The following LRP1B variants were observed in gnomAD, a reference collection of about 807,000 sequenced individuals.
LRP1B encodes LDL receptor related protein 1B, also known as low-density lipoprotein receptor-related protein 1B.
LRP1B carries 217 observed loss-of-function variants against 556.6 expected under a neutral mutation model. That is an observed-to-expected ratio of 0.39 (90% CI 0.35 to 0.44). The LOEUF (loss-of-function observed/expected upper bound fraction) is 0.44, where lower values mean the gene tolerates loss of function less well. LRP1B is among the 20% of genes least tolerant of loss of function. The pLI is 1.00. For missense variants in LRP1B, 5,053 were observed against 5,620.8 expected (o/e 0.90, Z 3.23); for synonymous variants, 2,047 against 1,865.8 (o/e 1.10, Z -2.50).
intron 35 of LRP1B, among the ~76,000 whole-genome samples, chr2:140,728,364 C>A (rs1687664648): frequency 6.6e-6 from 1 of 152,172 alleles, no homozygotes; most frequent in African/African-American, 2.4e-5. Context: ...TGTGCTGTCA[C>A]CTTCTAGTCT....
intron 3 of LRP1B, among the ~76,000 whole-genome samples, chr2:141,434,789 G>C (rs998808435): frequency 1.3e-4 from 20 of 152,098 alleles, no homozygotes; most frequent in Non-Finnish European, 4.4e-5. Flanking sequence ...TGTTTGTTTA[G>C]TGACTCAGCT....
chr2:141,984,371 T>G (rs1702126082), intron 1 of LRP1B, among the ~76,000 whole-genome samples: 1 of 48,802 alleles, frequency 2.0e-5, no homozygotes. Flanking sequence ...GGAAAATTGA[T>G]GAAAGGTATG....
intron 14 of LRP1B, among the ~76,000 whole-genome samples, chr2:141,009,898 G>T (rs144471200): frequency 7.9e-4 from 120 of 152,014 alleles, no homozygotes; most frequent in African/African-American, 2.4e-3. Flanking sequence ...AATACTTTCT[G>T]GTCAAACAGA....
At chr2:140,649,847 T>A (rs950391092) in intron 41 of LRP1B, among the ~76,000 whole-genome samples, 1 of 152,212 alleles carries the variant, frequency 6.6e-6, no homozygotes, top group African/African-American at 2.4e-5. Context: ...ATAATACACC[T>A]GGATGGTTAT....
chr2:141,585,531 C>T (rs1164300745), intron 2 of LRP1B, among the ~76,000 whole-genome samples: 3 of 145,050 alleles, frequency 2.1e-5, no homozygotes, highest in African/African-American at 7.6e-5. Flanking sequence ...AGTTAGACAC[C>T]CTATTTCTGA....
chr2:141,642,422 G>C (rs1689369666), intron 2 of LRP1B, among the ~76,000 whole-genome samples: 1 of 152,110 alleles, frequency 6.6e-6, no homozygotes, highest in African/African-American at 2.4e-5. Flanking sequence ...ATGAGCTGGA[G>C]TGTGCAGGCT....
chr2:140,830,753 T>C (rs1399466364), intron 31 of LRP1B, among the ~76,000 whole-genome samples: 5 of 151,920 alleles, frequency 3.3e-5, no homozygotes, highest in Admixed American at 6.6e-5. Flanking sequence ...CCTAGCAAAC[T>C]AGAAAGGAAG....
At chr2:141,917,608 C>G (rs530505759) in intron 1 of LRP1B, among the ~76,000 whole-genome samples, 1 of 152,246 alleles carries the variant, frequency 6.6e-6, no homozygotes, top group East Asian at 1.9e-4. Flanking sequence ...CTAAAGGATT[C>G]TTCTCCTTAG....
chr2:141,986,533 G>C (rs1702191324), intron 1 of LRP1B, among the ~76,000 whole-genome samples: 1 of 151,452 alleles, frequency 6.6e-6, no homozygotes, highest in Admixed American at 6.6e-5. Flanking sequence ...ACCTCTATTT[G>C]AATATTTACA....
intron 56 of LRP1B, among the ~76,000 whole-genome samples, chr2:140,493,628 G>A (rs767963991): frequency 2.0e-5 from 3 of 149,454 alleles, no homozygotes; most frequent in South Asian, 2.1e-4. Flanking sequence ...ATGAAAAAAC[G>A]TAATGTTGAT....
intron 60 of LRP1B, among the ~76,000 whole-genome samples, chr2:140,472,356 CATTAT>C (rs1237210849): frequency 6.6e-6 from 1 of 151,950 alleles, no homozygotes; most frequent in Non-Finnish European, 1.5e-5. Flanking sequence ...TTTACTGTAT[CATTAT>C]ATTATTAATA....
intron 7 of LRP1B, among the ~76,000 whole-genome samples, chr2:141,089,218 TG>T (rs1700119479): frequency 6.6e-6 from 1 of 152,214 alleles, no homozygotes; most frequent in Non-Finnish European, 1.5e-5. Flanking sequence ...CTCTTATTTC[TG>T]GAGGCTAAAG....
intron 41 of LRP1B, among the ~76,000 whole-genome samples, chr2:140,613,418 AAT>A (rs886340360): frequency 2.6e-5 from 3 of 117,590 alleles, no homozygotes; most frequent in African/African-American, 8.4e-5. Context: ...TATACATATA[AAT>A]ATATATATAA....
intron 1 of LRP1B, among the ~76,000 whole-genome samples, chr2:142,097,411 T>C (rs1706414334): frequency 2.4e-5 from 1 of 40,994 alleles, no homozygotes; most frequent in South Asian, 1.3e-3. Context: ...TATGATATAA[T>C]ACATGTGCAA....
intron 1 of LRP1B, among the ~76,000 whole-genome samples, chr2:141,865,406 A>C (rs1012806173): frequency 1.3e-4 from 20 of 151,356 alleles, no homozygotes; most frequent in Non-Finnish European, 2.4e-4. Context: ...TCCCGGCTAA[A>C]ACGGTGAAAC....
chr2:142,123,927 G>A (rs939128454), intron 1 of LRP1B, among the ~76,000 whole-genome samples: 20 of 151,816 alleles, frequency 1.3e-4, no homozygotes, highest in Admixed American at 7.9e-4. Flanking sequence ...TTTGAAAAGC[G>A]TTACGTATTT....
At chr2:141,275,988 C>T (rs1299918835) in intron 3 of LRP1B, among the ~76,000 whole-genome samples, 2 of 151,898 alleles carry the variant, frequency 1.3e-5, no homozygotes, top group African/African-American at 2.4e-5. Context: ...AACCAGATGG[C>T]CTCTCTATAA....
intron 41 of LRP1B, among the ~76,000 whole-genome samples, chr2:140,670,572 G>A (rs114038049): frequency 0.014 from 2,077 of 152,276 alleles, 40 homozygotes; most frequent in Admixed American, 0.046. Context: ...AGACCCTGCA[G>A]AGGATCCTGT....
intron 18 of LRP1B, among the ~76,000 whole-genome samples, chr2:140,964,271 T>C: frequency 6.6e-6 from 1 of 151,992 alleles, no homozygotes. Flanking sequence ...AACATGAAGG[T>C]GGACTAGGAG....
Sources: gnomAD v4.1 joint callset for allele counts (sites outside exome capture counted in the v4.1 genomes callset) on GRCh38, gnomAD v4.1.1 for gene constraint, MANE v1.5 for transcripts, NCBI Gene and HGNC (gene_info 2026-07-23, HGNC 2026-07-21) for gene names.